KCNIP4: variants seen among roughly 807,000 people sequenced by gnomAD.
KCNIP4 encodes potassium voltage-gated channel interacting protein 4, also known as Kv channel-interacting protein 4.
In KCNIP4, 12 loss-of-function variants were observed where a neutral mutation model predicts 34.0. The observed-to-expected ratio is 0.35, with a 90% CI of 0.23 to 0.57. The LOEUF is 0.57. Ranked by LOEUF, KCNIP4 falls within the 20% of genes least tolerant of loss-of-function variation. The pLI, the probability that KCNIP4 is intolerant of heterozygous loss-of-function variation, is 0.83. For synonymous variants in KCNIP4, 124 were observed against 102.2 expected (o/e 1.21, Z -1.29); for missense variants, 238 against 311.7 (o/e 0.76, Z 1.78).
In KCNIP4 at chr4:20,806,075, T is replaced by TG. The variant is rs555663711; in HGVS notation, c.288+44467dup. Among the ~76,000 whole-genome samples the TG allele has an allele frequency of 1.1e-3, 167 of 152,110 alleles. 1 individual carries two copies. The highest frequency in any genetic ancestry group is 3.3e-3 in the South Asian group (16 of 4,816). On this transcript the variant is annotated intron_variant, in intron 3 of 8. Transcript: ENST00000382152. Reference sequence around the variant, plus strand: ...CTGTTCCATTATTTCTAGTTTCCTTTGGGGGGGCTTTCTTTAATATATTCT... The same window carrying TG: ...CTGTTCCATTATTTCTAGTTTCCTTTGGGGGGGGCTTTCTTTAATATATTCT...
rs1477778195 is a variant in KCNIP4 at position 20,850,528 on chromosome 4, A to G, written c.288+15T>C. 6.2e-7 allele frequency: 1 copy of G among 1,610,776 alleles called. No homozygotes were observed. The highest frequency in any genetic ancestry group is 8.5e-7 in the Non-Finnish European group (1 of 1,178,860). ...GGGAATTGTGTGAAGGTAAAGTCAAAAAGAAAGTTCTTACATTCTTAAATC... is the reference window on the plus strand; with the variant it reads ...GGGAATTGTGTGAAGGTAAAGTCAAGAAGAAAGTTCTTACATTCTTAAATC... On this transcript the variant is annotated intron_variant, in intron 3 of 8. Transcript: ENST00000382152.
At chr4:21,522,902 A>G (rs1735661275) in intron 1 of KCNIP4, among the ~76,000 whole-genome samples, 2 of 152,120 alleles carry the variant, frequency 1.3e-5, no homozygotes, top group South Asian at 2.1e-4. Context: ...TTGCTAAGGT[A>G]TAAATGTTTG....
intron 1 of KCNIP4, among the ~76,000 whole-genome samples, chr4:21,016,979 T>C (rs903472025): frequency 6.6e-6 from 1 of 152,188 alleles, no homozygotes; most frequent in Non-Finnish European, 1.5e-5. Context: ...CCCCCTTTTT[T>C]CTTTTCCTTT....
chr4:20,911,760 A>G (rs1577354934), intron 1 of KCNIP4, among the ~76,000 whole-genome samples: 1 of 152,332 alleles, frequency 6.6e-6, no homozygotes, highest in East Asian at 1.9e-4. Context: ...CCCAGAAAAT[A>G]CATTCTAACA....
chr4:21,118,983 G>T (rs907429141), intron 1 of KCNIP4, among the ~76,000 whole-genome samples: 1 of 152,088 alleles, frequency 6.6e-6, no homozygotes, highest in Non-Finnish European at 1.5e-5. Context: ...GAAAAATCAC[G>T]CCATCCATTG....
intron 1 of KCNIP4, among the ~76,000 whole-genome samples, chr4:21,689,516 G>A (rs1400144389): frequency 6.6e-6 from 1 of 152,090 alleles, no homozygotes; most frequent in Non-Finnish European, 1.5e-5. Context: ...CTGTGCTGTT[G>A]CCTCTCAGAA....
At chr4:20,761,719 T>C (rs1754978401) in intron 3 of KCNIP4, among the ~76,000 whole-genome samples, 1 of 152,192 alleles carries the variant, frequency 6.6e-6, no homozygotes, top group Non-Finnish European at 1.5e-5. Flanking sequence ...ATTTGATAGA[T>C]ATAATGTGAA....
chr4:21,524,487 C>A (rs1051830472), intron 1 of KCNIP4, among the ~76,000 whole-genome samples: 1 of 151,998 alleles, frequency 6.6e-6, no homozygotes, highest in Non-Finnish European at 1.5e-5. Flanking sequence ...GCCACTATGA[C>A]TTTTTTTTCT....
At chr4:21,168,687 C>G (rs1753804700) in intron 1 of KCNIP4, among the ~76,000 whole-genome samples, 1 of 152,132 alleles carries the variant, frequency 6.6e-6, no homozygotes, top group African/African-American at 2.4e-5. Context: ...ACTATATGCT[C>G]ACACAGAAAC....
intron 1 of KCNIP4, among the ~76,000 whole-genome samples, chr4:21,227,850 C>T (rs1025606850): frequency 9.9e-5 from 15 of 152,092 alleles, no homozygotes; most frequent in East Asian, 1.9e-4. Flanking sequence ...CCTGGAGGAG[C>T]GGACAGATCA....
At chr4:21,812,903 T>C (rs1436333451) in intron 1 of KCNIP4, among the ~76,000 whole-genome samples, 4 of 152,122 alleles carry the variant, frequency 2.6e-5, no homozygotes, top group East Asian at 1.9e-4. Context: ...GGATATAGGA[T>C]TCCTATGCCA....
In KCNIP4 at chr4:20,734,643, G is replaced by C. The variant is rs752317060; in HGVS notation, c.522C>G (p.Gly174=). ...CATCCCTTACCTCTTTAGTGATGTA[G>C]CCATCTTTATTTATGTCATACAGAT... The part of the protein sequence containing the change: ...AFNLYDINKD[G]YITKEEMLDI... Residue 174 remains glycine, a synonymous_variant, in exon 6 of 9, where the codon GGC becomes GGG. Coordinates refer to ENST00000382152, the MANE Select transcript of KCNIP4 (RefSeq NM_025221.6). 1.3e-6 allele frequency: 2 copies of C among 1,535,768 alleles called. No individual in the cohort carries two copies. The highest frequency in any genetic ancestry group is 8.9e-7 in the Non-Finnish European group (1 of 1,127,570).
At chr4:21,150,565 A>T (rs577869091) in intron 1 of KCNIP4, among the ~76,000 whole-genome samples, 1 of 152,230 alleles carries the variant, frequency 6.6e-6, no homozygotes, top group Non-Finnish European at 1.5e-5. Flanking sequence ...GTGTGTTTGC[A>T]TGTATGCATT....
chr4:20,982,551 G>T (rs1331693734), intron 1 of KCNIP4, among the ~76,000 whole-genome samples: 1 of 152,210 alleles, frequency 6.6e-6, no homozygotes. Context: ...AGTATTATTT[G>T]TATTGTGTCT....
intron 1 of KCNIP4, among the ~76,000 whole-genome samples, chr4:21,918,828 G>T (rs1028544042): frequency 4.6e-5 from 7 of 152,142 alleles, no homozygotes; most frequent in South Asian, 4.2e-4. Context: ...TATTAAGTAT[G>T]TGAGGAAAAC....
intron 3 of KCNIP4, among the ~76,000 whole-genome samples, chr4:20,838,044 A>C (rs1178451328): frequency 6.6e-6 from 1 of 152,022 alleles, no homozygotes; most frequent in African/African-American, 2.4e-5. Context: ...AAGAAGAGTA[A>C]TGCTGTTAAA....
intron 1 of KCNIP4, among the ~76,000 whole-genome samples, chr4:21,456,223 G>C (rs1728944698): frequency 6.8e-6 from 1 of 147,344 alleles, no homozygotes; most frequent in African/African-American, 2.7e-5. Context: ...AATCCATACA[G>C]CAAAAATAAG....
chr4:21,860,694 G>T (rs1725023421), intron 1 of KCNIP4, among the ~76,000 whole-genome samples: 1 of 151,586 alleles, frequency 6.6e-6, no homozygotes, highest in South Asian at 2.1e-4. Context: ...ATAACATTTT[G>T]TTTTTAAAGG....
At chr4:21,270,476 TC>T (rs2109132373) in intron 1 of KCNIP4, among the ~76,000 whole-genome samples, 1 of 152,284 alleles carries the variant, frequency 6.6e-6, no homozygotes, top group African/African-American at 2.4e-5. Context: ...GTAAAACAGT[TC>T]AAAATACTAT....
Sources: allele counts gnomAD v4.1 joint callset (sites outside exome capture counted in the v4.1 genomes callset), GRCh38; gene constraint gnomAD v4.1.1; transcripts MANE v1.5; gene names NCBI Gene and HGNC (gene_info 2026-07-23, HGNC 2026-07-21).